The following SH3KBP1 variants were observed in gnomAD, a reference collection of about 807,000 sequenced individuals.
SH3KBP1 encodes SH3 domain containing kinase binding protein 1.
SH3KBP1 carries 8 observed loss-of-function variants against 50.1 expected under a neutral mutation model. That is an observed-to-expected ratio of 0.16 (90% CI 0.09 to 0.29). The LOEUF is 0.29. SH3KBP1 is among the 10% of genes least tolerant of loss of function. The probability of loss-of-function intolerance (pLI) is 1.00; values close to 1 mark genes in which losing one functional copy is unlikely to be tolerated. For synonymous variants in SH3KBP1, 227 were observed against 218.6 expected (o/e 1.04, Z -0.34); for missense variants, 377 against 535.2 (o/e 0.70, Z 2.92).
chrX:19,569,505 T>C (rs985909484), intron 12 of SH3KBP1, among the ~76,000 whole-genome samples: 4 of 112,816 alleles, frequency 3.5e-5, no homozygotes, highest in African/African-American at 1.3e-4. Flanking sequence ...GCTCCTGCCC[T>C]GCGGCCAAAT....
intron 6 of SH3KBP1, among the ~76,000 whole-genome samples, chrX:19,651,709 C>T (rs1214575178): frequency 9.0e-6 from 1 of 111,509 alleles, no homozygotes; most frequent in Non-Finnish European, 1.9e-5. Context: ...AAGTATATCA[C>T]ACTTGCTGGG....
intron 7 of SH3KBP1, among the ~76,000 whole-genome samples, chrX:19,638,364 C>T (rs1238591229): frequency 1.1e-4 from 11 of 101,504 alleles, no homozygotes; most frequent in Admixed American, 8.5e-4. Context: ...GAGCCAAGAT[C>T]GCGCCACTGC....
At chrX:19,720,965 G>T (rs1180876300) in intron 3 of SH3KBP1, among the ~76,000 whole-genome samples, 2 of 111,343 alleles carry the variant, frequency 1.8e-5, no homozygotes, top group Non-Finnish European at 3.8e-5. Flanking sequence ...TGGCCACTGT[G>T]CTCGGAGATT....
chrX:19,541,341 T>C (rs902924727), intron 16 of SH3KBP1, among the ~76,000 whole-genome samples: 1 of 112,121 alleles, frequency 8.9e-6, no homozygotes, highest in Non-Finnish European at 1.9e-5. Context: ...GGATTAGAGA[T>C]GTGGCGAGAG....
At chrX:19,591,031 C>T (rs757481149) in intron 11 of SH3KBP1, among the ~76,000 whole-genome samples, 2 of 107,797 alleles carry the variant, frequency 1.9e-5, no homozygotes, top group Admixed American at 1.0e-4. Context: ...TTCTTCAATC[C>T]GTGACACAGA....
At chrX:19,616,159 G>T (rs1244660178) in intron 8 of SH3KBP1, among the ~76,000 whole-genome samples, 1 of 110,815 alleles carries the variant, frequency 9.0e-6, no homozygotes, top group Non-Finnish European at 1.9e-5. Context: ...TCAGGGTCTT[G>T]CCATGTTACC....
intron 1 of SH3KBP1, among the ~76,000 whole-genome samples, chrX:19,870,124 C>T (rs1470192306): frequency 8.9e-6 from 1 of 111,991 alleles, no homozygotes; most frequent in Admixed American, 9.4e-5. Context: ...TCTGCAGTTT[C>T]GGTCCCAGTT....
intron 3 of SH3KBP1, chrX:19,740,966 G>A (rs963455861): frequency 1.4e-4 from 19 of 134,706 alleles, no homozygotes; most frequent in African/African-American, 6.0e-4. Flanking sequence ...CTGAAACTAT[G>A]AGAAGAAAGG....
chrX:19,608,555 C>T lies in SH3KBP1; in HGVS notation c.898-510G>A, dbSNP rs906807570. Among the ~76,000 whole-genome samples, 4 of 111,379 alleles carry T rather than the reference C, an allele frequency of 3.6e-5. No individual in the cohort carries two copies. The East Asian group carries it at 1.1e-3, about 31-fold the overall frequency. Reference sequence around the variant, plus strand: ...AACTCCTGACCTCAGGTGATCCGCCCGCCTTGGCCTCCCAAAGTGCTGAGA... The same window carrying T: ...AACTCCTGACCTCAGGTGATCCGCCTGCCTTGGCCTCCCAAAGTGCTGAGA... On this transcript the variant is annotated intron_variant, in intron 8 of 17. Coordinates refer to ENST00000397821, the MANE Select transcript of SH3KBP1 (RefSeq NM_031892.3).
chrX:19,727,074 T>C (rs893628568), intron 3 of SH3KBP1, among the ~76,000 whole-genome samples: 2 of 112,201 alleles, frequency 1.8e-5, no homozygotes, highest in African/African-American at 6.5e-5. Flanking sequence ...TAATTGCTAA[T>C]TGATAGAATT....
At chrX:19,617,423 T>C (rs2067650885) in intron 8 of SH3KBP1, among the ~76,000 whole-genome samples, 1 of 112,512 alleles carries the variant, frequency 8.9e-6, no homozygotes, top group Admixed American at 9.4e-5. Context: ...ATTCTAGATA[T>C]AATAGAACTT....
At chrX:19,670,030 T>C (rs1324124485) in intron 6 of SH3KBP1, among the ~76,000 whole-genome samples, 4 of 110,618 alleles carry the variant, frequency 3.6e-5, no homozygotes, top group African/African-American at 1.3e-4. Context: ...GGAAGACATA[T>C]GACACACTGT....
chrX:19,604,464 G>C (rs1451386879), intron 9 of SH3KBP1, among the ~76,000 whole-genome samples: 2 of 111,676 alleles, frequency 1.8e-5, no homozygotes, highest in Non-Finnish European at 3.8e-5. Context: ...GGATGCCTAC[G>C]GAGTCAAGAG....
At chrX:19,797,081 A>G (rs2066737093) in intron 2 of SH3KBP1, among the ~76,000 whole-genome samples, 1 of 112,794 alleles carries the variant, frequency 8.9e-6, no homozygotes. Context: ...AAGACAGACA[A>G]GGCCCCTGCC....
At chrX:19,874,783 G>A (rs1426389213) in intron 1 of SH3KBP1, among the ~76,000 whole-genome samples, 3 of 104,024 alleles carry the variant, frequency 2.9e-5, no homozygotes, top group Non-Finnish European at 5.9e-5. Context: ...GAAGGGGTGT[G>A]GAAAAGAGGG....
At chrX:19,548,379 G>C (rs2065142868) in intron 14 of SH3KBP1, among the ~76,000 whole-genome samples, 1 of 111,431 alleles carries the variant, frequency 9.0e-6, no homozygotes, top group Non-Finnish European at 1.9e-5. Context: ...AGAGGAGGTA[G>C]GATTGAAAAA....
At chrX:19,687,796 T>C (rs986186405) in intron 5 of SH3KBP1, 4 of 567,242 alleles carry the variant, frequency 7.1e-6, no homozygotes, top group Non-Finnish European at 1.2e-5. Context: ...TAACTGAACT[T>C]GCCTTCAATG....
chrX:19,853,264 G>T (rs918248975), intron 1 of SH3KBP1, among the ~76,000 whole-genome samples: 1 of 112,310 alleles, frequency 8.9e-6, no homozygotes, highest in Admixed American at 9.4e-5. Flanking sequence ...AGACAAGCAG[G>T]GCCCAGGTGC....
chrX:19,847,387 G>A (rs1264529615), intron 1 of SH3KBP1, among the ~76,000 whole-genome samples: 1 of 111,560 alleles, frequency 9.0e-6, no homozygotes, highest in African/African-American at 3.3e-5. Flanking sequence ...GCTTGGCCCC[G>A]TCAGGCACTC....
Sources: gnomAD v4.1 joint callset for allele counts (sites outside exome capture counted in the v4.1 genomes callset) on GRCh38, gnomAD v4.1.1 for gene constraint, MANE v1.5 for transcripts, NCBI Gene and HGNC (gene_info 2026-07-23, HGNC 2026-07-21) for gene names.